Variants in AOPEP observed in about 807,000 individuals in gnomAD.
The protein encoded by AOPEP is aminopeptidase O (putative).
A neutral mutation model predicts 98.1 loss-of-function variants in AOPEP; 77 were observed. That is an observed-to-expected ratio of 0.78 (90% CI 0.65 to 0.95). The LOEUF is 0.95. Among genes scored for constraint, AOPEP ranks in the 40% least tolerant of loss-of-function variants. The pLI, the probability that AOPEP is intolerant of heterozygous loss-of-function variation, is 0.00. For missense variants in AOPEP, 1,024 were observed against 1,024.7 expected, an observed-to-expected ratio of 1.00 and a Z score of 0.01; for synonymous variants, 346 against 365.3, an observed-to-expected ratio of 0.95 and a Z score of 0.60.
intron 1 of AOPEP, among the ~76,000 whole-genome samples, chr9:94,739,064 A>T (rs890605766): frequency 3.3e-5 from 5 of 152,138 alleles, no homozygotes; most frequent in African/African-American, 4.8e-5. Context: ...GACCAAAACT[A>T]CGTCTCAAGT....
chr9:95,086,620 C>T (rs548340203), intron 16 of AOPEP, 62 bp from the exon 17 acceptor site: 17 of 988,160 alleles, frequency 1.7e-5, no homozygotes, highest in Admixed American at 6.0e-5. Flanking sequence ...CACAGAGGTG[C>T]GCGCTCACAA....
intron 14 of AOPEP, among the ~76,000 whole-genome samples, chr9:95,062,995 G>A (rs768873126): frequency 1.3e-5 from 2 of 152,160 alleles, no homozygotes; most frequent in African/African-American, 2.4e-5. Context: ...TCTGCAGGGC[G>A]GGCACAGGCT....
rs2132454999 is a variant in AOPEP, at chr9:94,759,905, G to C, written c.122G>C (p.Gly41Ala). 6.2e-7 allele frequency: 1 copy of C among 1,614,124 alleles called. No homozygotes were observed. The highest frequency in any genetic ancestry group is 1.1e-5 in the South Asian group (1 of 91,082). The change falls in exon 2 of 17, where the codon GGG becomes GCG. Residue 41 changes from glycine (G) to alanine (A), a missense_variant. By Grantham distance (60) the Gly-to-Ala change is moderately conservative (BLOSUM62 0). Transcript: ENST00000375315. ...DVDFESQVIE[G>A]TIVLFLEDGN... is the part of the protein sequence containing the mutation. ...GATTTTGAAAGTCAAGTCATTGAGG[G>C]GACCATAGTGCTTTTCCTCGAGGAT...
At chr9:95,088,030 C>T (rs1385322555), downstream of AOPEP, among the ~76,000 whole-genome samples, 3 of 152,212 alleles carry the variant, frequency 2.0e-5, no homozygotes, top group African/African-American at 7.2e-5. Flanking sequence ...GATTCCAGAA[C>T]GTTCTTAGGA....
At chr9:95,130,102 C>T in the AOPEP span, among the ~76,000 whole-genome samples, 1 of 152,192 alleles carries the variant, frequency 6.6e-6, no homozygotes, top group Non-Finnish European at 1.5e-5. Context: ...TGTCACTCTG[C>T]ACCATGAACT....
At chr9:94,837,495 A>G (rs2041759274) in intron 5 of AOPEP, among the ~76,000 whole-genome samples, 1 of 152,228 alleles carries the variant, frequency 6.6e-6, no homozygotes, top group South Asian at 2.1e-4. Context: ...ATGAACATAG[A>G]TAGAAAAATC....
chr9:94,750,756 C>CTTTTT (rs536762614), intron 1 of AOPEP, among the ~76,000 whole-genome samples: 12 of 130,906 alleles, frequency 9.2e-5, no homozygotes, highest in Non-Finnish European at 1.6e-4. Flanking sequence ...TCTTTTCTTT[C>CTTTTT]TTTTTTTTTT....
At chr9:95,056,238 G>C (rs1489912426) in intron 13 of AOPEP, 2 of 152,260 alleles carry the variant, frequency 1.3e-5, no homozygotes, top group African/African-American at 4.8e-5. Flanking sequence ...TTAGTCCCAG[G>C]CTTATTCTCT....
At chr9:95,064,146 C>A (rs953480399) in intron 14 of AOPEP, among the ~76,000 whole-genome samples, 2 of 152,200 alleles carry the variant, frequency 1.3e-5, no homozygotes, top group African/African-American at 4.8e-5. Context: ...TTTCAGCACT[C>A]ATCCGGCTGC....
chr9:95,041,553 A>C (rs2065314119), intron 13 of AOPEP, among the ~76,000 whole-genome samples: 1 of 151,174 alleles, frequency 6.6e-6, no homozygotes, highest in South Asian at 2.1e-4. Flanking sequence ...ATTGAACACA[A>C]CTCTTCTGCA....
intron 1 of AOPEP, among the ~76,000 whole-genome samples, chr9:94,728,364 A>G (rs1480330144): frequency 6.6e-6 from 1 of 152,208 alleles, no homozygotes; most frequent in Admixed American, 6.5e-5. Flanking sequence ...GTAATTTTAC[A>G]GTTGAGAGCT....
intron 4 of AOPEP, among the ~76,000 whole-genome samples, chr9:94,795,412 T>C (rs1292782497): frequency 6.6e-6 from 1 of 152,192 alleles, no homozygotes. Flanking sequence ...TGGTTGGATA[T>C]ACCTCTTTGG....
At chr9:94,989,099 G>T (rs557678951) in intron 11 of AOPEP, among the ~76,000 whole-genome samples, 59 of 150,484 alleles carry the variant, frequency 3.9e-4, no homozygotes, top group African/African-American at 1.4e-3. Context: ...TTTATTTTTT[G>T]TTTGTTTGTT....
At chr9:95,096,290 G>T in the AOPEP span, among the ~76,000 whole-genome samples, 1 of 152,212 alleles carries the variant, frequency 6.6e-6, no homozygotes, top group Non-Finnish European at 1.5e-5. Context: ...GTGAGTAGCG[G>T]GGAGTGACAG....
At chr9:95,103,994 C>T in the AOPEP span, among the ~76,000 whole-genome samples, 1 of 152,172 alleles carries the variant, frequency 6.6e-6, no homozygotes, top group East Asian at 1.9e-4. Flanking sequence ...GAGGTGGCTG[C>T]GCTCGTGCTA....
At chr9:95,111,188 A>G in the AOPEP span, 2 of 1,536,132 alleles carry the variant, frequency 1.3e-6, no homozygotes, top group African/African-American at 1.4e-5. Context: ...CAGCTGAGCA[A>G]TAACAGATCA....
chr9:94,940,612 T>TAATAA (rs1554776925), intron 7 of AOPEP, among the ~76,000 whole-genome samples: 162 of 151,844 alleles, frequency 1.1e-3, no homozygotes, highest in African/African-American at 3.8e-3. Flanking sequence ...AATAAATAAA[T>TAATAA]AATAAAATAA....
At chr9:94,868,778 C>A (rs544064553) in intron 5 of AOPEP, among the ~76,000 whole-genome samples, 9 of 152,186 alleles carry the variant, frequency 5.9e-5, no homozygotes, top group Non-Finnish European at 1.2e-4. Context: ...TGCCCCTCTC[C>A]CAGCAACCAC....
At chr9:95,019,754 A>G (rs1309402967) in intron 13 of AOPEP, 5 of 152,252 alleles carry the variant, frequency 3.3e-5, no homozygotes, top group African/African-American at 9.6e-5. Flanking sequence ...TCTTGGTACC[A>G]TGGTGCTGCA....
Sources: gnomAD v4.1 joint callset for allele counts (sites outside exome capture counted in the v4.1 genomes callset) on GRCh38, gnomAD v4.1.1 for gene constraint, MANE v1.5 for transcripts, NCBI Gene and HGNC (gene_info 2026-07-23, HGNC 2026-07-21) for gene names.